Variants in NFATC1 observed in about 807,000 individuals in gnomAD.
The protein encoded by NFATC1 is nuclear factor of activated T-cells, cytoplasmic 1.
Under a neutral mutation model 76.0 loss-of-function variants are expected in NFATC1, and 22 were observed. The ratio of observed to expected loss-of-function variants is 0.29; its 90% CI spans 0.21 to 0.41. The LOEUF is 0.41. Ranked by LOEUF, NFATC1 falls within the 10% of genes least tolerant of loss-of-function variation. The pLI is 1.00. For missense variants in NFATC1, 1,357 were observed against 1,337.7 expected, an observed-to-expected ratio of 1.01 and a Z score of -0.23; for synonymous variants, 704 against 613.1, an observed-to-expected ratio of 1.15 and a Z score of -2.19.
rs2088405763 is a variant in NFATC1 at position 79,465,118 on chromosome 18, G to A, written c.1960-2332G>A. Among the ~76,000 whole-genome samples the A allele has an allele frequency of 6.6e-6, 1 of 152,190 alleles. No individual in the cohort carries two copies. The highest frequency in any genetic ancestry group is 1.5e-5 in the Non-Finnish European group (1 of 68,030). On this transcript the variant is annotated intron_variant, in intron 7 of 9. Transcript: ENST00000427363. This position sits in a 1 kb window ranked among gnomAD's most constrained non-coding sequence, Gnocchi z 4.2. Reference sequence around the variant, plus strand: ...GGAGTTTAAAGCAGGTTGCGTAGGTGCTGGTGCCATTTGGAACCCGTATTT... The same window carrying A: ...GGAGTTTAAAGCAGGTTGCGTAGGTACTGGTGCCATTTGGAACCCGTATTT...
At chr18:79,447,077 C>T (rs1317176856) in intron 3 of NFATC1, among the ~76,000 whole-genome samples, 2 of 152,178 alleles carry the variant, frequency 1.3e-5, no homozygotes, top group Non-Finnish European at 2.9e-5. Context: ...TGAGTTCAGC[C>T]GTCGCTTCAC....
intron 1 of NFATC1, among the ~76,000 whole-genome samples, chr18:79,398,536 C>T (rs993119239): frequency 6.6e-6 from 1 of 151,910 alleles, no homozygotes; most frequent in African/African-American, 2.4e-5. Context: ...AGCACTGGGG[C>T]GGGGGAAGGG....
chr18:79,467,819 G>T, intron 8 of NFATC1: 1 of 1,145,768 alleles, frequency 8.7e-7, no homozygotes, highest in South Asian at 2.2e-5. Flanking sequence ...TACTCAGATA[G>T]TCACGGTTAT....
At chr18:79,505,819 AGGCCCTTGGG>A (rs2090108693) in intron 9 of NFATC1, among the ~76,000 whole-genome samples, 2 of 148,094 alleles carry the variant, frequency 1.4e-5, no homozygotes, top group African/African-American at 5.2e-5. Context: ...GTGGTGCTGG[AGGCCCTTGGG>A]TGAGGGAAGA....
intron 9 of NFATC1, among the ~76,000 whole-genome samples, chr18:79,512,412 C>G (rs964222060): frequency 1.3e-5 from 2 of 152,208 alleles, no homozygotes; most frequent in Non-Finnish European, 2.9e-5. Flanking sequence ...GCCACACCCA[C>G]ACACCCCGAA....
chr18:79,423,049 G>A (rs534344227), intron 2 of NFATC1, among the ~76,000 whole-genome samples: 1 of 151,696 alleles, frequency 6.6e-6, no homozygotes, highest in South Asian at 2.1e-4. Flanking sequence ...GGCAGGGCCT[G>A]TGTCCAAAGC....
intron 2 of NFATC1, among the ~76,000 whole-genome samples, chr18:79,425,277 C>CTGTCTCTGTCTCTCTGTT (rs2086285109): frequency 2.9e-5 from 2 of 67,812 alleles, no homozygotes; most frequent in Admixed American, 1.3e-4. Context: ...GTCTCTCTCT[C>CTGTCTCTGTCTCTCTGTT]TGTCTGTCTT....
chr18:79,399,943 G>C, intron 1 of NFATC1, among the ~76,000 whole-genome samples: 1 of 152,028 alleles, frequency 6.6e-6, no homozygotes, highest in East Asian at 1.9e-4. Context: ...CCGCTTTCCC[G>C]AGGAGGCCCG....
At chr18:79,425,159 C>CTCTGTCTCTCCA (rs1370537739) in intron 2 of NFATC1, among the ~76,000 whole-genome samples, 1 of 151,708 alleles carries the variant, frequency 6.6e-6, no homozygotes, top group South Asian at 2.1e-4. Flanking sequence ...CTCTCTCCGT[C>CTCTGTCTCTCCA]TCTGTCTCTC....
At chr18:79,473,137 C>G (rs781257719) in intron 8 of NFATC1, among the ~76,000 whole-genome samples, 10 of 152,168 alleles carry the variant, frequency 6.6e-5, no homozygotes, top group Non-Finnish European at 1.3e-4. Flanking sequence ...CAGCCCACAG[C>G]GTGGCCTGCG....
At chr18:79,429,933 C>T (rs2086531887) in intron 2 of NFATC1, among the ~76,000 whole-genome samples, 1 of 152,180 alleles carries the variant, frequency 6.6e-6, no homozygotes, top group African/African-American at 2.4e-5. Flanking sequence ...GCATCTTTTC[C>T]ATGTTTAAAT....
rs771285027 is a variant in NFATC1, at chr18:79,486,961, T to C, written c.2782+24T>C. On this transcript the variant is annotated intron_variant, in intron 9 of 9. Coordinates refer to ENST00000427363, the MANE Select transcript of NFATC1 (RefSeq NM_001278669.2). ...CGGTGAGTGCCCGCAGCCATGCAGG[T>C]GTGTGCCCCGCCTGGCGCCATGGCG... 7.0e-6 allele frequency: 11 copies of C among 1,567,550 alleles called. No individual in the cohort carries two copies. The Admixed American group carries it at 1.2e-4, about 18-fold the overall frequency.
intron 9 of NFATC1, among the ~76,000 whole-genome samples, chr18:79,517,353 T>C (rs1316329779): frequency 6.6e-6 from 1 of 152,228 alleles, no homozygotes; most frequent in Admixed American, 6.5e-5. Context: ...TTTTAAAAAG[T>C]TATTTTTGAT....
In NFATC1 at chr18:79,410,327, C is replaced by T; in HGVS notation, c.128-76C>T. 6.6e-7 allele frequency: 1 copy of T among 1,525,758 alleles called. No homozygotes were observed. 94.5% of individuals were successfully genotyped at this position (1,525,758 alleles called of 1,614,324 possible). A position where few individuals can be genotyped will look rare whatever the true frequency, so the allele number is the denominator to read the frequency against. On this transcript the variant is annotated intron_variant, in intron 1 of 9. Coordinates refer to ENST00000427363, the MANE Select transcript of NFATC1 (RefSeq NM_001278669.2). The surrounding 1 kb of genome is among the most constrained non-coding windows in gnomAD (Gnocchi z 6.7). ...GTTGGTCGAGGCCGGGGGTTGCTGG[C>T]CGGCCCTGAGTTCATGGGTTTCTGC...
chr18:79,469,708 C>T lies in NFATC1; in HGVS notation c.2092+2126C>T, dbSNP rs9952716. The T allele has an allele frequency of 0.016, 15,767 of 985,788 alleles. 1,722 individuals carry two copies. In the African/African-American group the frequency reaches 0.24, roughly 15 times the overall value. The allele number at this position is 985,788 out of a possible 1,614,324, so 61.1% of individuals were successfully genotyped here. A position where few individuals can be genotyped will look rare whatever the true frequency, so the allele number is the denominator to read the frequency against. ...TCCCCAGGCTCACCCTGGGCACCAGCCTTCGCCCGTTCTCCCTCTCTTTGC... is the reference window on the plus strand; with the variant it reads ...TCCCCAGGCTCACCCTGGGCACCAGTCTTCGCCCGTTCTCCCTCTCTTTGC... On this transcript the variant is annotated intron_variant, in intron 8 of 9. Coordinates refer to ENST00000427363, the MANE Select transcript of NFATC1 (RefSeq NM_001278669.2).
intron 9 of NFATC1, among the ~76,000 whole-genome samples, chr18:79,506,180 G>GCGGTT (rs1016756091): frequency 6.6e-5 from 10 of 152,316 alleles, no homozygotes; most frequent in Admixed American, 3.3e-4. Flanking sequence ...CTTATAAAGA[G>GCGGTT]CGGTTCGCCG....
At chr18:79,504,460 A>T (rs987048622) in intron 9 of NFATC1, among the ~76,000 whole-genome samples, 22 of 152,204 alleles carry the variant, frequency 1.4e-4, no homozygotes, top group African/African-American at 5.3e-4. Flanking sequence ...GCTCTTATCC[A>T]TTCACTTCAT....
intron 3 of NFATC1, among the ~76,000 whole-genome samples, chr18:79,446,309 G>A (rs904657798): frequency 2.0e-5 from 3 of 152,264 alleles, no homozygotes; most frequent in African/African-American, 7.2e-5. Context: ...CACACCATCA[G>A]AGAACTGCCA....
chr18:79,451,633 C>T (rs1279520288), intron 5 of NFATC1, 43 bp from the exon 6 acceptor site: 1 of 1,484,146 alleles, frequency 6.7e-7, no homozygotes, highest in African/African-American at 1.4e-5. Flanking sequence ...CCCAGGCCGC[C>T]CACTCAGGAC....
Sources: allele counts gnomAD v4.1 joint callset (sites outside exome capture counted in the v4.1 genomes callset), GRCh38; gene constraint gnomAD v4.1.1; non-coding constraint Gnocchi (gnomAD v3.1); transcripts MANE v1.5; gene names NCBI Gene and HGNC (gene_info 2026-07-23, HGNC 2026-07-21).